ADGB: variants seen among roughly 807,000 people sequenced by gnomAD.
ADGB encodes the protein calpain-7-like protein.
In ADGB, 172 loss-of-function variants were observed where a neutral mutation model predicts 210.5. The ratio of observed to expected loss-of-function variants is 0.82; its 90% CI spans 0.72 to 0.93. ADGB has a LOEUF of 0.93. Ranked by LOEUF, ADGB falls within the 40% of genes least tolerant of loss-of-function variation. ADGB has a pLI of 0.00. For synonymous variants in ADGB, 658 were observed against 662.7 expected, an observed-to-expected ratio of 0.99 and a Z score of 0.11; for missense variants, 2,025 against 1,964.8, an observed-to-expected ratio of 1.03 and a Z score of -0.58.
At chr6:146,631,794 A>C (rs1781069407) in intron 1 of ADGB, among the ~76,000 whole-genome samples, 1 of 152,118 alleles carries the variant, frequency 6.6e-6, no homozygotes, top group Admixed American at 6.6e-5. Context: ...GAAATGATGC[A>C]GAGAAGCACC....
chr6:146,659,596 A>T (rs1055429845), intron 5 of ADGB, among the ~76,000 whole-genome samples: 1 of 152,056 alleles, frequency 6.6e-6, no homozygotes, highest in African/African-American at 2.4e-5. Flanking sequence ...CCAGGTTATC[A>T]TTTTTTCTAT....
chr6:146,671,792 C>A (rs557858928), intron 7 of ADGB, among the ~76,000 whole-genome samples: 1 of 152,086 alleles, frequency 6.6e-6, no homozygotes, highest in Non-Finnish European at 1.5e-5. Context: ...GTTATGGAAG[C>A]CTCAGGGAAG....
chr6:146,782,099 A>G lies in ADGB; in HGVS notation c.3942A>G (p.Ser1314=). The part of the protein sequence containing the change: ...SHTISEGQKS[S]VTSKTTRKGK... ...CTATTAGTGAGGGACAAAAATCTTCAGTAACTTCCAAAACAACAAGGAAAG... is the reference window on the plus strand; with the variant it reads ...CTATTAGTGAGGGACAAAAATCTTCGGTAACTTCCAAAACAACAAGGAAAG... Residue 1314 remains serine, a synonymous_variant, in exon 30 of 36, where the codon TCA becomes TCG. Coordinates refer to ENST00000397944, the MANE Select transcript of ADGB (RefSeq NM_024694.4). The G allele has an allele frequency of 1.3e-6, 2 of 1,548,600 alleles. No individual in the cohort carries two copies. The highest frequency in any genetic ancestry group is 1.7e-6 in the Non-Finnish European group (2 of 1,145,804).
At chr6:146,607,952 T>G (rs1339120780) in intron 1 of ADGB, among the ~76,000 whole-genome samples, 3 of 152,176 alleles carry the variant, frequency 2.0e-5, no homozygotes, top group African/African-American at 7.2e-5. Context: ...CCTCGATGTG[T>G]TGGAATCGTT....
At chr6:146,776,433 G>A (rs1178894637) in intron 29 of ADGB, among the ~76,000 whole-genome samples, 1 of 151,986 alleles carries the variant, frequency 6.6e-6, no homozygotes, top group Non-Finnish European at 1.5e-5. Flanking sequence ...ATATAATGAT[G>A]TTCTGGCCTT....
At chr6:146,693,738 G>A (rs889439974) in intron 12 of ADGB, among the ~76,000 whole-genome samples, 2 of 152,116 alleles carry the variant, frequency 1.3e-5, no homozygotes, top group African/African-American at 4.8e-5. Flanking sequence ...GGAGTCAAGA[G>A]AAGCCACGCC....
At chr6:146,702,190 C>T (rs1014042726) in intron 13 of ADGB, among the ~76,000 whole-genome samples, 1 of 151,832 alleles carries the variant, frequency 6.6e-6, no homozygotes, top group Non-Finnish European at 1.5e-5. Context: ...GTTAATAGGG[C>T]ATTCATTCAC....
At chr6:146,771,604 A>G (rs1269586906) in intron 29 of ADGB, among the ~76,000 whole-genome samples, 1 of 152,100 alleles carries the variant, frequency 6.6e-6, no homozygotes, top group African/African-American at 2.4e-5. Context: ...TTCTCTATCA[A>G]TTAACAGAAA....
At chr6:146,624,414 G>A (rs1306145911) in intron 1 of ADGB, among the ~76,000 whole-genome samples, 1 of 151,738 alleles carries the variant, frequency 6.6e-6, no homozygotes, top group Non-Finnish European at 1.5e-5. Flanking sequence ...GGGATCTGTA[G>A]TGATGTCTTC....
chr6:146,667,175 T>G (rs564802544), intron 7 of ADGB, among the ~76,000 whole-genome samples: 1 of 152,088 alleles, frequency 6.6e-6, no homozygotes, highest in South Asian at 2.1e-4. Flanking sequence ...ACACAGAAGT[T>G]TATTACCATG....
chr6:146,757,991 T>C (rs1055024536), intron 27 of ADGB, among the ~76,000 whole-genome samples: 1 of 152,080 alleles, frequency 6.6e-6, no homozygotes, highest in Non-Finnish European at 1.5e-5. Context: ...AAGTGGGATA[T>C]GCATGTACTA....
At chr6:146,782,739 A>G (rs1167127172) in intron 30 of ADGB, among the ~76,000 whole-genome samples, 1 of 152,150 alleles carries the variant, frequency 6.6e-6, no homozygotes, top group East Asian at 1.9e-4. Flanking sequence ...GGGACTCTAT[A>G]TACAGTCCAG....
At chr6:146,657,946 T>C (rs1208881404) in intron 5 of ADGB, among the ~76,000 whole-genome samples, 1 of 152,210 alleles carries the variant, frequency 6.6e-6, no homozygotes, top group African/African-American at 2.4e-5. Flanking sequence ...TGCTAGATCA[T>C]ATCAAACTCT....
chr6:146,741,056 C>A, intron 24 of ADGB, 62 bp from the exon 25 acceptor site: 1 of 1,328,964 alleles, frequency 7.5e-7, no homozygotes, highest in South Asian at 2.1e-5. Flanking sequence ...GGCATTAATG[C>A]AAATTTCAAA....
intron 33 of ADGB, among the ~76,000 whole-genome samples, chr6:146,792,493 T>C (rs1218138127): frequency 1.3e-5 from 2 of 152,112 alleles, no homozygotes; most frequent in Non-Finnish European, 2.9e-5. Context: ...GAAAATTGAC[T>C]ATAATCATGA....
chr6:146,644,746 GA>G, intron 2 of ADGB, 26 bp from the exon 3 acceptor site: 9 of 1,297,868 alleles, frequency 6.9e-6, no homozygotes, highest in Non-Finnish European at 9.2e-6. Flanking sequence ...AGAATATGCA[GA>G]AAAAACTCAA....
In ADGB at chr6:146,708,162, C is replaced by T. The variant is rs1444579711; in HGVS notation, c.1707+7092C>T. ...TTTACAATCTCTTATATTGTATATCCCTTGACAAATTATTGCAATTATTAT... is the reference window on the plus strand; with the variant it reads ...TTTACAATCTCTTATATTGTATATCTCTTGACAAATTATTGCAATTATTAT... On this transcript the variant is annotated intron_variant, in intron 13 of 35. Coordinates refer to ENST00000397944, the MANE Select transcript of ADGB (RefSeq NM_024694.4). Among the ~76,000 whole-genome samples, 3 of 151,962 alleles carry T rather than the reference C, an allele frequency of 2.0e-5. No individual in the cohort carries two copies. The East Asian group carries it at 5.8e-4, about 29-fold the overall frequency.
At chr6:146,653,618 C>A (rs913202737) in intron 3 of ADGB, among the ~76,000 whole-genome samples, 1 of 151,914 alleles carries the variant, frequency 6.6e-6, no homozygotes, top group African/African-American at 2.4e-5. Flanking sequence ...GGGAGAGGAT[C>A]AGGAAAAATA....
chr6:146,814,810 A>G (rs1778358594), intron 35 of ADGB, among the ~76,000 whole-genome samples: 1 of 152,144 alleles, frequency 6.6e-6, no homozygotes, highest in Non-Finnish European at 1.5e-5. Context: ...TTTTTCTACA[A>G]ATGTTTTTAT....
Sources: gnomAD v4.1 joint callset for allele counts (sites outside exome capture counted in the v4.1 genomes callset) on GRCh38, gnomAD v4.1.1 for gene constraint, MANE v1.5 for transcripts, NCBI Gene and HGNC (gene_info 2026-07-23, HGNC 2026-07-21) for gene names.